CD2AP: variants seen among roughly 807,000 people sequenced by gnomAD.
The protein encoded by CD2AP is CD2 associated protein.
In CD2AP, 46 loss-of-function variants were observed where a neutral mutation model predicts 85.1. The ratio of observed to expected loss-of-function variants is 0.54; its 90% CI spans 0.43 to 0.69. CD2AP has a LOEUF of 0.69. CD2AP is among the 30% of genes least tolerant of loss of function. CD2AP has a pLI of 0.00. For missense variants in CD2AP, 769 were observed against 729.5 expected (o/e 1.05, Z -0.62); for synonymous variants, 255 against 252.9 (o/e 1.01, Z -0.08).
chr6:47,530,074 A>G (rs1766832744), intron 2 of CD2AP, among the ~76,000 whole-genome samples: 1 of 152,136 alleles, frequency 6.6e-6, no homozygotes, highest in Admixed American at 6.5e-5. Context: ...CTCAGTAGAG[A>G]TGTCACTTTC....
At chr6:47,555,216 TGTTA>T (rs1263865861) in intron 5 of CD2AP, among the ~76,000 whole-genome samples, 1 of 152,208 alleles carries the variant, frequency 6.6e-6, no homozygotes, top group Non-Finnish European at 1.5e-5. Flanking sequence ...TATTTTGTGA[TGTTA>T]GTTATTTAGA....
chr6:47,518,522 C>T (rs1003193346), intron 2 of CD2AP, among the ~76,000 whole-genome samples: 1 of 152,064 alleles, frequency 6.6e-6, no homozygotes, highest in East Asian at 1.9e-4. Flanking sequence ...TTATGTATAC[C>T]ACAGTGTTTA....
intron 2 of CD2AP, among the ~76,000 whole-genome samples, chr6:47,520,488 C>T (rs1766558809): frequency 6.6e-6 from 1 of 152,152 alleles, no homozygotes; most frequent in African/African-American, 2.4e-5. Flanking sequence ...TTCATTAGTG[C>T]TGTCCATATG....
chr6:47,477,931 C>T lies in CD2AP; in HGVS notation c.-314C>T, dbSNP rs1191508575. 6.0e-6 allele frequency: 3 copies of T among 496,790 alleles called. No individual in the cohort carries two copies. The highest frequency in any genetic ancestry group is 4.1e-5 in the African/African-American group (2 of 48,366). The allele number at this position is 496,790 out of a possible 1,614,324, so 30.8% of individuals were successfully genotyped here. ...CTGGGCAAACCGGTGGGTCCCTCCC[C>T]ACTGCGGGAGCGGCCAGGGTGGGAA... On this transcript the variant is annotated 5_prime_UTR_variant, in exon 1 of 18. Transcript: ENST00000359314.
chr6:47,599,488 G>A, intron 13 of CD2AP, 45 bp downstream of exon 13: 3 of 1,538,264 alleles, frequency 2.0e-6, no homozygotes, highest in Non-Finnish European at 2.7e-6. Flanking sequence ...AAAAAAAATT[G>A]TCAAAGAAAC....
intron 4 of CD2AP, among the ~76,000 whole-genome samples, chr6:47,547,633 A>G (rs1296842316): frequency 3.3e-5 from 5 of 152,174 alleles, no homozygotes; most frequent in African/African-American, 1.2e-4. Flanking sequence ...GACAAAGTCA[A>G]CAAAGAAACA....
chr6:47,574,602 T>C (rs1768251817), intron 6 of CD2AP, among the ~76,000 whole-genome samples: 1 of 148,964 alleles, frequency 6.7e-6, no homozygotes, highest in African/African-American at 2.4e-5. Context: ...ATAATAAATA[T>C]ATATTTAATT....
chr6:47,550,897 T>C (rs1202340476), intron 4 of CD2AP, among the ~76,000 whole-genome samples: 1 of 152,156 alleles, frequency 6.6e-6, no homozygotes, highest in Non-Finnish European at 1.5e-5. Context: ...CTGGATGAGA[T>C]TGGAGACTAT....
intron 5 of CD2AP, among the ~76,000 whole-genome samples, chr6:47,568,462 C>A (rs1188830440): frequency 2.0e-5 from 3 of 152,122 alleles, no homozygotes; most frequent in African/African-American, 7.2e-5. Context: ...GATGAGTAGG[C>A]TGGGCGCGGT....
intron 5 of CD2AP, among the ~76,000 whole-genome samples, chr6:47,558,616 G>A (rs1341492561): frequency 2.0e-5 from 3 of 152,156 alleles, no homozygotes; most frequent in Non-Finnish European, 4.4e-5. Context: ...TTATGTGATG[G>A]ATTATGTTTA....
At chr6:47,620,178 A>T (rs980039901) in intron 17 of CD2AP, among the ~76,000 whole-genome samples, 8 of 152,160 alleles carry the variant, frequency 5.3e-5, no homozygotes, top group African/African-American at 1.9e-4. Context: ...ATCTTCAAGA[A>T]TTTTTATAGT....
At chr6:47,595,139 T>A (rs1195426320) in intron 11 of CD2AP, among the ~76,000 whole-genome samples, 1 of 152,044 alleles carries the variant, frequency 6.6e-6, no homozygotes, top group Non-Finnish European at 1.5e-5. Context: ...AGCAGGTATG[T>A]CATGTGTAAT....
intron 16 of CD2AP, 129 bp downstream of exon 16, chr6:47,609,433 T>C (rs1335929383): frequency 2.8e-5 from 20 of 715,978 alleles, no homozygotes; most frequent in South Asian, 2.4e-4. Context: ...TCCCAGCACT[T>C]TGGGAGACCA....
intron 2 of CD2AP, among the ~76,000 whole-genome samples, chr6:47,520,285 A>G (rs530204569): frequency 5.9e-5 from 9 of 152,214 alleles, no homozygotes; most frequent in African/African-American, 1.4e-4. Flanking sequence ...AATATTTATA[A>G]CAGTCAATAT....
chr6:47,586,534 G>A (rs1768635339), intron 11 of CD2AP, among the ~76,000 whole-genome samples: 1 of 152,022 alleles, frequency 6.6e-6, no homozygotes, highest in Non-Finnish European at 1.5e-5. Context: ...ATGACAAAAA[G>A]CTTAAAGCCA....
At chr6:47,497,006 AATT>A (rs1443270367) in intron 1 of CD2AP, among the ~76,000 whole-genome samples, 1 of 152,092 alleles carries the variant, frequency 6.6e-6, no homozygotes, top group Non-Finnish European at 1.5e-5. Context: ...TCTTTTTCGG[AATT>A]ATTATCCTTT....
At chr6:47,548,995 A>G (rs551290400) in intron 4 of CD2AP, among the ~76,000 whole-genome samples, 30 of 152,294 alleles carry the variant, frequency 2.0e-4, no homozygotes, top group Admixed American at 1.1e-3. Flanking sequence ...ATTAGACAAA[A>G]TCCAGCATCA....
intron 13 of CD2AP, among the ~76,000 whole-genome samples, chr6:47,604,698 C>T (rs1195004632): frequency 1.3e-5 from 2 of 151,976 alleles, no homozygotes; most frequent in African/African-American, 4.8e-5. Flanking sequence ...TTACAAATAA[C>T]ATGACATTTA....
intron 11 of CD2AP, among the ~76,000 whole-genome samples, chr6:47,584,032 A>G (rs1183849710): frequency 6.6e-6 from 1 of 152,148 alleles, no homozygotes; most frequent in Non-Finnish European, 1.5e-5. Context: ...ATATCTTCTC[A>G]TATGCTTAAT....
Sources: gnomAD v4.1 joint callset for allele counts (sites outside exome capture counted in the v4.1 genomes callset) on GRCh38, gnomAD v4.1.1 for gene constraint, MANE v1.5 for transcripts, NCBI Gene and HGNC (gene_info 2026-07-23, HGNC 2026-07-21) for gene names.